SHANK2: variants seen among roughly 807,000 people sequenced by gnomAD.
SHANK2 encodes SH3 and multiple ankyrin repeat domains 2, also known as SH3 and multiple ankyrin repeat domains protein 2.
SHANK2 carries 43 observed loss-of-function variants against 133.7 expected under a neutral mutation model. The observed-to-expected ratio is 0.32, with a 90% CI of 0.25 to 0.41. The LOEUF is 0.41. Ranked by LOEUF, SHANK2 falls within the 10% of genes least tolerant of loss-of-function variation. The pLI is 1.00. For synonymous variants in SHANK2, 1,017 were observed against 952.8 expected (o/e 1.07, Z -1.24); for missense variants, 1,994 against 2,235.8 (o/e 0.89, Z 2.18).
At chr11:70,610,137 T>C (rs1213739231) in intron 17 of SHANK2, among the ~76,000 whole-genome samples, 1 of 151,818 alleles carries the variant, frequency 6.6e-6, no homozygotes, top group East Asian at 1.9e-4. Context: ...GACTTGTGAA[T>C]GTACTAAATG....
chr11:70,826,389 C>G, intron 11 of SHANK2: 2 of 464,960 alleles, frequency 4.3e-6, no homozygotes, highest in South Asian at 3.1e-5. Flanking sequence ...AACTGGAGTC[C>G]TCCCTCTCCC....
At chr11:71,178,403 T>G (rs1366592827) in intron 2 of SHANK2, among the ~76,000 whole-genome samples, 2 of 152,228 alleles carry the variant, frequency 1.3e-5, no homozygotes, top group Non-Finnish European at 2.9e-5. Flanking sequence ...GAAAGTAGAC[T>G]GGTGGTTACC....
At chr11:70,628,718 G>C (rs1175370571) in intron 17 of SHANK2, among the ~76,000 whole-genome samples, 2 of 152,178 alleles carry the variant, frequency 1.3e-5, no homozygotes, top group Non-Finnish European at 2.9e-5. Flanking sequence ...CATACAGCAG[G>C]CTGTTAGCAC....
chr11:71,069,852 G>C (rs1951119634), intron 9 of SHANK2, among the ~76,000 whole-genome samples: 4 of 152,298 alleles, frequency 2.6e-5, no homozygotes. Flanking sequence ...TCCCTGAACA[G>C]TCTGTTGTTC....
chr11:70,486,727 G>C lies in SHANK2; in HGVS notation c.3566C>G (p.Pro1189Arg), dbSNP rs2058812469. 3 of 1,610,460 alleles carry C rather than the reference G, an allele frequency of 1.9e-6. No individual in the cohort carries two copies. The highest frequency in any genetic ancestry group is 4.5e-5 in the East Asian group (2 of 44,858). ...GCCGGCTGTGCCGCTGCTCGCGGAG[G>C]GCACTGCTGGGCTGCTCTCGGGCCC... ...AQGPESSPAVPSASSGTAGPG... is the reference protein window; with the variant it reads ...AQGPESSPAVRSASSGTAGPG... The change falls in exon 25 of 26, where the codon CCC (proline) becomes CGC (arginine). Residue 1189 changes from proline (P) to arginine (R), a missense_variant. Transcript: ENST00000601538. The surrounding 1 kb of genome is among the most constrained non-coding windows in gnomAD (Gnocchi z 8.0).
chr11:70,717,271 C>T (rs1336385146), intron 14 of SHANK2, among the ~76,000 whole-genome samples: 2 of 152,144 alleles, frequency 1.3e-5, no homozygotes, highest in East Asian at 1.9e-4. Context: ...CATCATGCAA[C>T]CGACCTCCCT....
chr11:71,116,606 G>A (rs1951984521), intron 4 of SHANK2, among the ~76,000 whole-genome samples: 1 of 152,252 alleles, frequency 6.6e-6, no homozygotes, highest in African/African-American at 2.4e-5. Context: ...ACAGCTGGAT[G>A]GTCACAGCCG....
chr11:70,637,072 TGC>T (rs534233727), intron 17 of SHANK2, among the ~76,000 whole-genome samples: 63,192 of 151,248 alleles, frequency 0.42, 13,542 homozygotes, highest in Middle Eastern at 0.49. Flanking sequence ...TTCATGTGTG[TGC>T]ACGTGTGTGT....
intron 17 of SHANK2, among the ~76,000 whole-genome samples, chr11:70,624,547 G>GA (rs2060878314): frequency 1.4e-5 from 2 of 146,162 alleles, no homozygotes; most frequent in African/African-American, 2.5e-5. Flanking sequence ...AAAAAAAAAA[G>GA]AAAAAGCCTC....
chr11:71,088,642 C>T (rs975812363), intron 8 of SHANK2, among the ~76,000 whole-genome samples: 39 of 152,226 alleles, frequency 2.6e-4, no homozygotes, highest in Non-Finnish European at 5.0e-4. Flanking sequence ...TCCCGCCCCT[C>T]GCCCAGCCAT....
intron 11 of SHANK2, among the ~76,000 whole-genome samples, chr11:70,832,975 A>G (rs572189378): frequency 5.3e-5 from 8 of 152,332 alleles, no homozygotes; most frequent in Admixed American, 3.9e-4. Context: ...TCCTCACTGC[A>G]TCTGCAGAGC....
intron 15 of SHANK2, 150 bp from the exon 16 acceptor site, chr11:70,661,828 G>A (rs1944548985): frequency 6.2e-7 from 1 of 1,608,256 alleles, no homozygotes; most frequent in Non-Finnish European, 8.5e-7. Flanking sequence ...AGGCAGCGAG[G>A]GTGCAGGAGG....
At chr11:70,826,920 A>G (rs1283581319) in intron 11 of SHANK2, among the ~76,000 whole-genome samples, 1 of 152,268 alleles carries the variant, frequency 6.6e-6, no homozygotes, top group Non-Finnish European at 1.5e-5. Context: ...TTATCCAAGG[A>G]AACTCGGGCT....
intron 17 of SHANK2, among the ~76,000 whole-genome samples, chr11:70,573,816 T>C (rs1449821902): frequency 6.6e-6 from 1 of 152,162 alleles, no homozygotes; most frequent in African/African-American, 2.4e-5. Context: ...ACTTAGAGTA[T>C]GCAAAGTACT....
At chr11:70,871,519 G>A (rs1949463269) in intron 11 of SHANK2, among the ~76,000 whole-genome samples, 1 of 152,256 alleles carries the variant, frequency 6.6e-6, no homozygotes, top group Non-Finnish European at 1.5e-5. Context: ...CATGGAGCCT[G>A]TGAGCCCCTG....
chr11:70,668,014 T>A (rs1555015198), intron 15 of SHANK2: 1 of 152,160 alleles, frequency 6.6e-6, no homozygotes, highest in African/African-American at 2.4e-5. Flanking sequence ...TCAATCCAGC[T>A]GTTACATCCT....
intron 11 of SHANK2, among the ~76,000 whole-genome samples, chr11:70,842,057 C>T (rs146094461): frequency 5.9e-5 from 9 of 152,196 alleles, no homozygotes; most frequent in Admixed American, 2.0e-4. Context: ...CTACTCCACA[C>T]GCCCTGAAGC....
intron 2 of SHANK2, among the ~76,000 whole-genome samples, chr11:71,203,894 T>C (rs1954072425): frequency 6.6e-6 from 1 of 152,208 alleles, no homozygotes; most frequent in Admixed American, 6.5e-5. Flanking sequence ...ACTCCTTGTG[T>C]GCTGTCACAC....
chr11:70,542,762 C>T (rs1450486762), intron 17 of SHANK2, among the ~76,000 whole-genome samples: 2 of 152,222 alleles, frequency 1.3e-5, no homozygotes, highest in African/African-American at 4.8e-5. Context: ...CACAAGACAA[C>T]CTGATCACGC....
Sources: gnomAD v4.1 joint callset for allele counts (sites outside exome capture counted in the v4.1 genomes callset) on GRCh38, gnomAD v4.1.1 for gene constraint, Gnocchi (gnomAD v3.1) non-coding constraint, MANE v1.5 for transcripts, NCBI Gene and HGNC (gene_info 2026-07-23, HGNC 2026-07-21) for gene names.